Variants in MTMR10 observed in about 807,000 individuals in gnomAD.
MTMR10 encodes the protein myotubularin-related protein 10.
In MTMR10, 56 loss-of-function variants were observed where a neutral mutation model predicts 88.1. The ratio of observed to expected loss-of-function variants is 0.64; its 90% CI spans 0.51 to 0.79. The LOEUF is 0.79. Ranked by LOEUF, MTMR10 falls within the 30% of genes least tolerant of loss-of-function variation. The pLI is 0.00. For missense variants in MTMR10, 883 were observed against 924.7 expected (o/e 0.95, Z 0.58); for synonymous variants, 380 against 340.9 (o/e 1.11, Z -1.26).
At chr15:30,929,190 C>G in the MTMR10 span, 2 of 1,608,944 alleles carry the variant, frequency 1.2e-6, no homozygotes, top group South Asian at 1.1e-5. Flanking sequence ...AGCTTGCTTT[C>G]CCTGTGACAC....
downstream of MTMR10, among the ~76,000 whole-genome samples, chr15:30,935,979 C>T (rs866432282): frequency 1.3e-5 from 2 of 152,024 alleles, no homozygotes; most frequent in Non-Finnish European, 2.9e-5. Flanking sequence ...TTACTGTTTT[C>T]ATCAAATTTG....
chr15:30,991,139 G>A (rs956226225), intron 1 of MTMR10: 5 of 495,360 alleles, frequency 1.0e-5, no homozygotes, highest in African/African-American at 8.1e-5. Context: ...TACGAGGGAG[G>A]GTCGATGGGT....
the MTMR10 span, chr15:30,930,568 C>G: frequency 6.2e-7 from 1 of 1,605,162 alleles, no homozygotes. Context: ...CTGGGGGGCC[C>G]TGTGCTCAGT....
the MTMR10 span, chr15:30,925,759 C>G: frequency 6.2e-7 from 1 of 1,612,634 alleles, no homozygotes; most frequent in East Asian, 2.2e-5. Flanking sequence ...TGACCTGAGG[C>G]TAATAGATGT....
Position 30,940,659 on chromosome 15 carries a change from GCCACTCCC to G in MTMR10, c.*803_*810del. ...CCTCTGTGGAATCAGCACCCCAGAG[GCCACTCCC>G]CAGTGGCTTTCAGAGGAACAAGACT... On this transcript the variant is annotated 3_prime_UTR_variant, in exon 16 of 16. Coordinates refer to ENST00000435680, the MANE Select transcript of MTMR10 (RefSeq NM_017762.3). The G allele has an allele frequency of 5.1e-6, 5 of 986,584 alleles. No homozygotes were observed. The highest frequency in any genetic ancestry group is 6.0e-6 in the Non-Finnish European group (5 of 830,876). The allele number at this position is 986,584 out of a possible 1,614,324, so 61.1% of individuals were successfully genotyped here.
the MTMR10 span, among the ~76,000 whole-genome samples, chr15:30,920,295 G>T: frequency 1.3e-5 from 2 of 152,234 alleles, no homozygotes; most frequent in Non-Finnish European, 2.9e-5. Flanking sequence ...GGGTTTGGCT[G>T]TGGGCCGGAG....
At chr15:30,966,778 C>T (rs1308288966) in intron 6 of MTMR10, among the ~76,000 whole-genome samples, 2 of 151,060 alleles carry the variant, frequency 1.3e-5, no homozygotes, top group South Asian at 2.1e-4. Context: ...TTTTGTTATA[C>T]AATTTCTATA....
the MTMR10 span, chr15:30,925,105 G>T: frequency 1.3e-6 from 2 of 1,594,610 alleles, no homozygotes; most frequent in Admixed American, 3.5e-5. Flanking sequence ...GGAGCCTGAT[G>T]TGTGACCATG....
chr15:30,990,665 G>T, intron 2 of MTMR10, 112 bp downstream of exon 2: 1 of 883,050 alleles, frequency 1.1e-6, no homozygotes, highest in Non-Finnish European at 1.7e-6. Flanking sequence ...ACTTTTAACT[G>T]GAGAAAGTTT....
chr15:30,959,232 A>G (rs2063368440), intron 7 of MTMR10, 111 bp from the exon 8 acceptor site: 1 of 943,666 alleles, frequency 1.1e-6, no homozygotes, highest in Non-Finnish European at 1.6e-6. Context: ...TGTGCACCCC[A>G]CTTAGTAGCC....
the MTMR10 span, chr15:30,922,285 T>C: frequency 2.7e-4 from 432 of 1,613,962 alleles, 1 homozygote; most frequent in Non-Finnish European, 3.5e-4. Flanking sequence ...TTTATTGTCC[T>C]GACAGCAGAG....
the MTMR10 span, chr15:30,930,398 C>T: frequency 3.3e-6 from 3 of 896,586 alleles, no homozygotes; most frequent in Non-Finnish European, 4.7e-6. Context: ...CTGGTACAAG[C>T]AGCAGAACAG....
In MTMR10 at chr15:30,989,885, G is replaced by A. The variant is rs1038148176; in HGVS notation, c.121+892C>T. ...CAGGCATGAGCCACCGTGCCCGGCC[G>A]ATTTCAGGTTTAAAACAGGCTTTCC... On this transcript the variant is annotated intron_variant, in intron 2 of 15. Coordinates refer to ENST00000435680, the MANE Select transcript of MTMR10 (RefSeq NM_017762.3). 3.9e-5 allele frequency among the ~76,000 whole-genome samples: 6 copies of A among 152,022 alleles called. 1 individual carries two copies. The South Asian group carries it at 1.2e-3, about 32-fold the overall frequency.
intron 2 of MTMR10, among the ~76,000 whole-genome samples, chr15:30,981,071 G>A (rs907788267): frequency 5.3e-5 from 8 of 152,194 alleles, no homozygotes; most frequent in Non-Finnish European, 1.0e-4. Flanking sequence ...TAGACTGAAT[G>A]ACTGCTGTGT....
Position 30,941,619 on chromosome 15 carries a change from A to C in MTMR10, c.2185T>G (p.Ser729Ala), listed in dbSNP as rs748359066. 14 of 1,604,334 alleles carry C rather than the reference A, an allele frequency of 8.7e-6. No individual in the cohort carries two copies. In the African/African-American group the frequency reaches 1.6e-4, roughly 18 times the overall value. Residue 729 changes from serine to alanine, a missense_variant, in exon 16 of 16, where the codon TCG becomes GCG. Transcript: ENST00000435680. ...NASGPHHTDT[S>A]GTPEFLSSSF... Reference sequence around the variant, plus strand: ...GAGGAGAGAAACTCCGGTGTCCCCGAGGTGTCGGTGTGGTGAGGGCCGCTG... The same window carrying C: ...GAGGAGAGAAACTCCGGTGTCCCCGCGGTGTCGGTGTGGTGAGGGCCGCTG...
At chr15:30,967,337 G>T (rs767001953) in intron 6 of MTMR10, among the ~76,000 whole-genome samples, 1 of 152,008 alleles carries the variant, frequency 6.6e-6, no homozygotes, top group South Asian at 2.1e-4. Flanking sequence ...AATCTTCCCT[G>T]GTCATGTCAT....
intron 3 of MTMR10, among the ~76,000 whole-genome samples, chr15:30,976,576 T>C (rs1462583301): frequency 1.3e-5 from 2 of 152,234 alleles, no homozygotes; most frequent in Non-Finnish European, 2.9e-5. Flanking sequence ...GAAAAGGACA[T>C]ATAATGAACG....
chr15:30,945,715 G>C (rs2063160969), intron 14 of MTMR10, among the ~76,000 whole-genome samples: 1 of 152,196 alleles, frequency 6.6e-6, no homozygotes, highest in Non-Finnish European at 1.5e-5. Flanking sequence ...AGGAACAAAT[G>C]AGCGTTCCAT....
At chr15:30,931,872 C>T in the MTMR10 span, among the ~76,000 whole-genome samples, 2 of 151,804 alleles carry the variant, frequency 1.3e-5, no homozygotes, top group African/African-American at 4.8e-5. Flanking sequence ...GTTGTTCTGG[C>T]TCTTTTGCAT....
Sources: gnomAD v4.1 joint callset for allele counts (sites outside exome capture counted in the v4.1 genomes callset) on GRCh38, gnomAD v4.1.1 for gene constraint, MANE v1.5 for transcripts, NCBI Gene and HGNC (gene_info 2026-07-23, HGNC 2026-07-21) for gene names.